The following SLC38A9 variants were observed in gnomAD, a reference collection of about 807,000 sequenced individuals.
The protein encoded by SLC38A9 is neutral amino acid transporter 9.
In SLC38A9, 48 loss-of-function variants were observed where a neutral mutation model predicts 62.3. The observed-to-expected ratio is 0.77, with a 90% CI of 0.61 to 0.98. The LOEUF (loss-of-function observed/expected upper bound fraction) is 0.98. Ranked by LOEUF, SLC38A9 falls within the 50% of genes least tolerant of loss-of-function variation. SLC38A9 has a pLI of 0.00. For missense variants in SLC38A9, 541 were observed against 679.8 expected, an observed-to-expected ratio of 0.80 and a Z score of 2.27; for synonymous variants, 204 against 227.7, an observed-to-expected ratio of 0.90 and a Z score of 0.94.
chr5:55,711,569 T>C (rs913335941), intron 1 of SLC38A9, 70 bp from the exon 2 acceptor site: 1 of 152,146 alleles, frequency 6.6e-6, no homozygotes, highest in African/African-American at 2.4e-5. Flanking sequence ...TATGCTGAGA[T>C]GTCAAGCTAC....
chr5:55,633,614 A>G, intron 14 of SLC38A9, 140 bp downstream of exon 14: 3 of 1,121,506 alleles, frequency 2.7e-6, no homozygotes, highest in East Asian at 2.6e-5. Flanking sequence ...TTCAGGGAAG[A>G]GGACACCAAT....
chr5:55,668,693 G>C (rs1335885911), intron 7 of SLC38A9, among the ~76,000 whole-genome samples: 1 of 152,146 alleles, frequency 6.6e-6, no homozygotes. Context: ...TGTTTGTTTA[G>C]GTCCTAGACT....
intron 12 of SLC38A9, among the ~76,000 whole-genome samples, chr5:55,644,435 T>G (rs1745971314): frequency 6.6e-6 from 1 of 152,146 alleles, no homozygotes; most frequent in South Asian, 2.1e-4. Flanking sequence ...TTTGTTTGTT[T>G]GTTTTTGTGA....
rs1447310382 is a variant in SLC38A9 at position 55,661,092 on chromosome 5, T to TAAAAAA, written c.697+3600_697+3601insTTTTTT. Among the ~76,000 whole-genome samples, 10 of 96,522 alleles carry TAAAAAA rather than the reference T, an allele frequency of 1.0e-4. No individual in the cohort carries two copies. The East Asian group carries it at 1.9e-3, about 19-fold the overall frequency. 63.3% of individuals were successfully genotyped at this position (96,522 alleles called of 152,430 possible). A position where few individuals can be genotyped will look rare whatever the true frequency, so the allele number is the denominator to read the frequency against. On this transcript the variant is annotated intron_variant, in intron 8 of 15. Transcript: ENST00000396865. ...ATCTTTATCAAGAAAAACTTAAAAT[T>TAAAAAA]TTTTTTAAAGACCTAAATAAACAAA... is the stretch of plus-strand genomic sequence containing the variant.
chr5:55,666,696 C>T (rs1275814633), intron 7 of SLC38A9, among the ~76,000 whole-genome samples: 2 of 151,764 alleles, frequency 1.3e-5, no homozygotes, highest in East Asian at 1.9e-4. Flanking sequence ...AAGTTCGAGA[C>T]CAGCCTGGCC....
At chr5:55,652,257 C>G (rs1222563185) in intron 10 of SLC38A9, among the ~76,000 whole-genome samples, 1 of 146,034 alleles carries the variant, frequency 6.8e-6, no homozygotes, top group African/African-American at 2.5e-5. Flanking sequence ...ACTTGGGAGG[C>G]TGAGGCCAAG....
intron 14 of SLC38A9, among the ~76,000 whole-genome samples, chr5:55,631,240 A>G (rs1036590488): frequency 6.6e-6 from 1 of 152,210 alleles, no homozygotes; most frequent in East Asian, 1.9e-4. Context: ...CATTTTTAAG[A>G]GCATAAAGGG....
At chr5:55,655,257 A>G (rs930720256) in intron 9 of SLC38A9, among the ~76,000 whole-genome samples, 14 of 151,436 alleles carry the variant, frequency 9.2e-5, no homozygotes, top group Non-Finnish European at 1.9e-4. Flanking sequence ...ATATCACTAT[A>G]TAAACTGACT....
chr5:55,677,924 TA>T (rs772307866), intron 3 of SLC38A9, among the ~76,000 whole-genome samples: 69,851 of 114,988 alleles, frequency 0.61, 20,170 homozygotes, highest in South Asian at 0.72. Context: ...TTTTTTTCTT[TA>T]TTGTGTGTGT....
intron 12 of SLC38A9, 126 bp downstream of exon 12, chr5:55,645,663 G>A: frequency 1.4e-6 from 1 of 713,938 alleles, no homozygotes; most frequent in Non-Finnish European, 2.3e-6. Flanking sequence ...TATGGTTTAA[G>A]TTTAAAAATT....
chr5:55,685,669 C>A (rs1215743603), intron 3 of SLC38A9, among the ~76,000 whole-genome samples: 1 of 151,930 alleles, frequency 6.6e-6, no homozygotes, highest in East Asian at 1.9e-4. Context: ...GCAGGATGTG[C>A]CTATGTACAT....
At chr5:55,627,151 C>G (rs1742582103) in intron 15 of SLC38A9, among the ~76,000 whole-genome samples, 1 of 152,134 alleles carries the variant, frequency 6.6e-6, no homozygotes, top group Non-Finnish European at 1.5e-5. Context: ...CTTTCTTCTC[C>G]TTTTCTCTAT....
chr5:55,694,789 T>C (rs1000063940), intron 3 of SLC38A9, among the ~76,000 whole-genome samples: 1 of 144,036 alleles, frequency 6.9e-6, no homozygotes, highest in Admixed American at 7.0e-5. Flanking sequence ...AGTCTTGCTC[T>C]ATCACCAGGC....
intron 3 of SLC38A9, chr5:55,672,915 T>G (rs1580284859): frequency 1.7e-5 from 1 of 59,330 alleles, no homozygotes; most frequent in African/African-American, 7.4e-5. Flanking sequence ...TTAAGCACAC[T>G]TTTTTTGTAA....
chr5:55,645,940 A>C (rs778269486), intron 11 of SLC38A9, 45 bp from the exon 12 acceptor site: 1 of 1,314,782 alleles, frequency 7.6e-7, no homozygotes, highest in Non-Finnish European at 1.1e-6. Context: ...GACAATTAGA[A>C]AATGAGTATT....
intron 3 of SLC38A9, among the ~76,000 whole-genome samples, chr5:55,684,798 C>A (rs182110833): frequency 1.9e-3 from 292 of 152,208 alleles, no homozygotes; most frequent in Non-Finnish European, 3.7e-3. Context: ...GGATTACAGG[C>A]GCCTGCCACC....
intron 7 of SLC38A9, among the ~76,000 whole-genome samples, chr5:55,666,708 A>G (rs1750517959): frequency 6.6e-6 from 1 of 152,150 alleles, no homozygotes; most frequent in African/African-American, 2.4e-5. Flanking sequence ...AGCCTGGCCA[A>G]CATGGCGAAA....
rs555886843 is a variant in SLC38A9 at position 55,689,808 on chromosome 5, T to G, written c.113+8038A>C. ...TCTGGGTATTAAATGCATTTTCAACTTAGGATATTTTTGGCTTATGATGGG... is the reference window on the plus strand; with the variant it reads ...TCTGGGTATTAAATGCATTTTCAACGTAGGATATTTTTGGCTTATGATGGG... On this transcript the variant is annotated intron_variant, in intron 3 of 15. Transcript: ENST00000396865. 2.6e-5 allele frequency among the ~76,000 whole-genome samples: 4 copies of G among 152,296 alleles called. No individual in the cohort carries two copies. The East Asian group carries it at 7.7e-4, about 29-fold the overall frequency.
At chr5:55,710,769 C>T (rs929239914) in intron 2 of SLC38A9, among the ~76,000 whole-genome samples, 6 of 151,896 alleles carry the variant, frequency 4.0e-5, no homozygotes, top group African/African-American at 1.2e-4. Flanking sequence ...GCATGTGCCA[C>T]CACACCTGGC....
Sources: allele counts gnomAD v4.1 joint callset (sites outside exome capture counted in the v4.1 genomes callset), GRCh38; gene constraint gnomAD v4.1.1; transcripts MANE v1.5; gene names NCBI Gene and HGNC (gene_info 2026-07-23, HGNC 2026-07-21).